Variants in TLN1 observed in about 807,000 individuals in gnomAD.
The protein encoded by TLN1 is talin 1, also known as talin-1.
Under a neutral mutation model 292.3 loss-of-function variants are expected in TLN1, and 56 were observed. That is an observed-to-expected ratio of 0.19 (90% CI 0.15 to 0.24). The LOEUF is 0.24. Ranked by LOEUF, TLN1 falls within the 10% of genes least tolerant of loss-of-function variation. The probability of loss-of-function intolerance (pLI) is 1.00; values close to 1 mark genes in which losing one functional copy is unlikely to be tolerated. For missense variants in TLN1, 2,433 were observed against 3,248.2 expected (o/e 0.75, Z 6.10); for synonymous variants, 1,119 against 1,253.7 (o/e 0.89, Z 2.27).
chr9:35,720,058 C>T lies in TLN1; in HGVS notation c.1445G>A (p.Arg482Gln), dbSNP rs772630969. 1.4e-5 allele frequency: 23 copies of T among 1,594,142 alleles called. No individual in the cohort carries two copies. The highest frequency in any genetic ancestry group is 2.7e-5 in the African/African-American group (2 of 74,324). ...QQQITSGQMHRGHMPPLTSAQ... is the reference protein window; with the variant it reads ...QQQITSGQMHQGHMPPLTSAQ... ...ACTTACCAGAGGAGGCATGTGTCCT[C>T]GGTGCATCTGGCCGCTGGTAATCTG... Residue 482 changes from arginine (R) to glutamine (Q), a missense_variant, in exon 13 of 57, where the codon CGA becomes CAA. Arg to Gln is a conservative substitution (Grantham distance 43). Coordinates refer to ENST00000314888, the MANE Select transcript of TLN1 (RefSeq NM_006289.4).
At chr9:35,705,107 C>T (rs1392668667) in intron 43 of TLN1, among the ~76,000 whole-genome samples, 2 of 152,060 alleles carry the variant, frequency 1.3e-5, no homozygotes, top group Admixed American at 6.6e-5. Context: ...ATCAGAGGGC[C>T]GTGGATTACC....
At chr9:35,729,526 G>A (rs566628623) in intron 1 of TLN1, among the ~76,000 whole-genome samples, 50 of 152,350 alleles carry the variant, frequency 3.3e-4, no homozygotes, top group Admixed American at 6.5e-4. Context: ...GAGCAGAGAA[G>A]AGACATAACC....
Position 35,714,206 on chromosome 9 carries a change from C to T in TLN1, c.3120+33G>A. 2 of 1,597,318 alleles carry T rather than the reference C, an allele frequency of 1.3e-6. No homozygotes were observed. The highest frequency in any genetic ancestry group is 1.7e-6 in the Non-Finnish European group (2 of 1,168,180). On this transcript the variant is annotated intron_variant, in intron 24 of 56. Transcript: ENST00000314888. This position sits in a 1 kb window ranked among gnomAD's most constrained non-coding sequence, Gnocchi z 4.6. Reference sequence around the variant, plus strand: ...TTTCCTCTCATCACAGGACTCCAGCCTCATCTTCCAAAGCCAGAACCAGCT... The same window carrying T: ...TTTCCTCTCATCACAGGACTCCAGCTTCATCTTCCAAAGCCAGAACCAGCT...
chr9:35,721,666 A>C lies in TLN1; in HGVS notation c.1086T>G (p.Ser362=). Reference sequence around the variant, plus strand: ...GACTTACCAGGGTGAAGCTTTTGGGAGACGCAGCCCAGCGTTTGATGTTGG... The same window carrying C: ...GACTTACCAGGGTGAAGCTTTTGGGCGACGCAGCCCAGCGTTTGATGTTGG... ...NLTNIKRWAA[S]PKSFTLDFGD... The change falls in exon 10 of 57, where the codon TCT becomes TCG. Residue 362 remains serine, a synonymous_variant. Transcript: ENST00000314888. 1 of 1,613,458 alleles carries C rather than the reference A, an allele frequency of 6.2e-7. No individual in the cohort carries two copies. Among genetic ancestry groups the C allele is most frequent in the South Asian group, 1.1e-5 (1 of 91,068 alleles).
intron 20 of TLN1, among the ~76,000 whole-genome samples, chr9:35,715,781 T>C (rs968742647): frequency 6.6e-6 from 1 of 152,214 alleles, no homozygotes; most frequent in African/African-American, 2.4e-5. Flanking sequence ...AAAAAGGATC[T>C]GGTTGCCTAC....
At position 35,699,572 on chromosome 9, in the gene TLN1, AC is replaced by A; in HGVS notation, c.6769-112del. The A allele has an allele frequency of 6.9e-7, 1 of 1,443,942 alleles. No individual in the cohort carries two copies. Among genetic ancestry groups the A allele is most frequent in the East Asian group, 2.4e-5 (1 of 40,850 alleles). 89.4% of individuals were successfully genotyped at this position (1,443,942 alleles called of 1,614,324 possible). A position where few individuals can be genotyped will look rare whatever the true frequency, so the allele number is the denominator to read the frequency against. On this transcript the variant is annotated intron_variant, in intron 50 of 56. Coordinates refer to ENST00000314888, the MANE Select transcript of TLN1 (RefSeq NM_006289.4). This position sits in a 1 kb window ranked among gnomAD's most constrained non-coding sequence, Gnocchi z 4.0. Reference sequence around the variant, plus strand: ...CACCCCTATCCCTAGAGCACTCCACACCATAGCCCTCAAACTCCACGCTGCC... The same window carrying A: ...CACCCCTATCCCTAGAGCACTCCACACATAGCCCTCAAACTCCACGCTGCC...
chr9:35,729,015 A>T (rs1826024331), intron 1 of TLN1, among the ~76,000 whole-genome samples: 1 of 152,098 alleles, frequency 6.6e-6, no homozygotes. Context: ...TATCATTTGA[A>T]GCTAGAATTT....
rs751297121 is a variant in TLN1, at chr9:35,706,090, C to A, written c.5383G>T (p.Ala1795Ser). 30 of 1,614,182 alleles carry A rather than the reference C, an allele frequency of 1.9e-5. No individual in the cohort carries two copies. The highest frequency in any genetic ancestry group is 8.9e-5 in the East Asian group (4 of 44,886). Residue 1795 changes from alanine to serine, a missense_variant, in exon 41 of 57, where the codon GCC becomes TCC. Around this residue, in one of 7 missense-constraint regions of TLN1, gnomAD observed 1,384 missense variants for 1,699.6 expected, o/e 0.81. Coordinates refer to ENST00000314888, the MANE Select transcript of TLN1 (RefSeq NM_006289.4). The surrounding 1 kb of genome is among the most constrained non-coding windows in gnomAD (Gnocchi z 4.2). ...NPKQAAHTQEALEEAVQMMTE... is the reference protein window; with the variant it reads ...NPKQAAHTQESLEEAVQMMTE... ...ATCATCTGCACAGCCTCCTCCAGGG[C>A]TTCCTGGGTGTGAGCTGCTTGCTGT...
Position 35,714,591 on chromosome 9 carries a change from T to A in TLN1, c.2968A>T (p.Ser990Cys). ...TGCCTTGCCTGCAGGAAGCTCTGGC[T>A]GGCAGCAATGAGGGCAAGCTGAGCG... ...PSAQLALIAA[S>C]QSFLQPGGKM... The change falls in exon 23 of 57, where the codon AGC becomes TGC. Residue 990 changes from serine to cysteine, a missense_variant. By Grantham distance (112) the Ser-to-Cys change is moderately radical (BLOSUM62 -1). This residue lies in a region of TLN1 where 617 missense variants were observed against 770.6 expected (regional missense o/e 0.80). Coordinates refer to ENST00000314888, the MANE Select transcript of TLN1 (RefSeq NM_006289.4). The surrounding 1 kb of genome is among the most constrained non-coding windows in gnomAD (Gnocchi z 4.6). 6.2e-7 allele frequency: 1 copy of A among 1,611,644 alleles called. No homozygotes were observed. The highest frequency in any genetic ancestry group is 1.1e-5 in the South Asian group (1 of 91,076).
In TLN1 at chr9:35,711,140, T is replaced by C. The variant is rs577549769; in HGVS notation, c.4020-58A>G. Reference sequence around the variant, plus strand: ...AATAGGTCATCATTCCTGGGTCCTATGTAAGTATTTATCTTTTGCCTATAA... The same window carrying C: ...AATAGGTCATCATTCCTGGGTCCTACGTAAGTATTTATCTTTTGCCTATAA... On this transcript the variant is annotated intron_variant, in intron 30 of 56. Coordinates refer to ENST00000314888, the MANE Select transcript of TLN1 (RefSeq NM_006289.4). 3.8e-5 allele frequency: 62 copies of C among 1,610,744 alleles called. No homozygotes were observed. In the South Asian group the frequency reaches 6.7e-4, roughly 17 times the overall value.
chr9:35,727,280 T>C (rs1298466393), intron 1 of TLN1, among the ~76,000 whole-genome samples: 3 of 151,786 alleles, frequency 2.0e-5, no homozygotes, highest in Non-Finnish European at 4.4e-5. Context: ...AAAGCAGAGA[T>C]GGGGGTGTTA....
intron 1 of TLN1, among the ~76,000 whole-genome samples, chr9:35,730,257 G>A (rs1157149055): frequency 2.0e-5 from 3 of 152,110 alleles, no homozygotes; most frequent in African/African-American, 7.2e-5. Flanking sequence ...GAGCTGGGAT[G>A]GGGGATGGGG....
Position 35,719,512 on chromosome 9 carries a change from G to A in TLN1, c.1687+7C>T, listed in dbSNP as rs41313452. 218 of 1,612,382 alleles carry A rather than the reference G, an allele frequency of 1.4e-4. No homozygotes were observed. The highest frequency in any genetic ancestry group is 1.7e-4 in the Non-Finnish European group (197 of 1,178,668). ...ATCACACACCCGGAAGCTAGCATCCGGCCTACCTGCTGTCAGGTTCACCAC... is the reference window on the plus strand; with the variant it reads ...ATCACACACCCGGAAGCTAGCATCCAGCCTACCTGCTGTCAGGTTCACCAC... On this transcript the variant is annotated splice_region_variant and intron_variant, in intron 15 of 56. Coordinates refer to ENST00000314888, the MANE Select transcript of TLN1 (RefSeq NM_006289.4). The surrounding 1 kb of genome is among the most constrained non-coding windows in gnomAD (Gnocchi z 4.6).
chr9:35,702,823 T>G (rs1246690482), intron 48 of TLN1, among the ~76,000 whole-genome samples: 1 of 151,752 alleles, frequency 6.6e-6, no homozygotes, highest in Non-Finnish European at 1.5e-5. Context: ...GAAGAAAGAA[T>G]TTCAAAGAGA....
rs927483041 is a variant in TLN1 at position 35,722,843 on chromosome 9, TC to T, written c.843+17del. The T allele has an allele frequency of 4.3e-6, 7 of 1,613,232 alleles. No individual in the cohort carries two copies. The highest frequency in any genetic ancestry group is 1.1e-5 in the South Asian group (1 of 91,054). On this transcript the variant is annotated intron_variant, in intron 8 of 56. Transcript: ENST00000314888. ...AGCTCCGCGGTCATCCCAAATACTT[TC>T]CCCTACCCACATTCACCTGGAAGAT...
rs1482126658 is a variant in TLN1 at position 35,719,329 on chromosome 9, G to A, written c.1688-47C>T. The A allele has an allele frequency of 1.3e-6, 2 of 1,580,238 alleles. No individual in the cohort carries two copies. Among genetic ancestry groups the A allele is most frequent in the Admixed American group, 3.5e-5 (2 of 57,922 alleles). On this transcript the variant is annotated intron_variant, in intron 15 of 56. Transcript: ENST00000314888. The surrounding 1 kb of genome is among the most constrained non-coding windows in gnomAD (Gnocchi z 4.6). ...GGAACATGAGAGACAGGGCAGGCCA[G>A]ACGAAGGGCTGGGGAGGGAGCAAAG...
At position 35,697,207 on chromosome 9, in the gene TLN1, T is replaced by G. The variant is rs1825382482; in HGVS notation, c.*584A>C. ...GTCCGGGTGCAAGGAGGAAGGGACC[T>G]CAGGTGCAGACTGCCAGTCTTCCCC... On this transcript the variant is annotated 3_prime_UTR_variant, in exon 57 of 57. Transcript: ENST00000314888. 1 of 152,842 alleles carries G rather than the reference T, an allele frequency of 6.5e-6. No individual in the cohort carries two copies. The highest frequency in any genetic ancestry group is 2.1e-4 in the South Asian group (1 of 4,850). 9.5% of individuals were successfully genotyped at this position (152,842 alleles called of 1,614,324 possible).
In TLN1 at chr9:35,711,752, C is replaced by G; in HGVS notation, c.3722G>C (p.Arg1241Pro). Residue 1241 changes from arginine to proline, a missense_variant, in exon 29 of 57, where the codon CGG (arginine) becomes CCG (proline). Physicochemically the swap from Arg to Pro is moderately radical, Grantham distance 103. Around this residue, in one of 7 missense-constraint regions of TLN1, gnomAD observed 1,384 missense variants for 1,699.6 expected, o/e 0.81. Coordinates refer to ENST00000314888, the MANE Select transcript of TLN1 (RefSeq NM_006289.4). ...STGTFQEAQS[R>P]LNEAAAGLNQ... ...CAGCCCAGCAGCAGCTTCATTCAAC[C>G]GGCTCTGAGCTTCTTGAAATGTCCC... 2 of 1,614,120 alleles carry G rather than the reference C, an allele frequency of 1.2e-6. No individual in the cohort carries two copies. The highest frequency in any genetic ancestry group is 1.7e-6 in the Non-Finnish European group (2 of 1,180,036).
Position 35,706,488 on chromosome 9 carries a change from T to C in TLN1, c.5152A>G (p.Asn1718Asp), listed in dbSNP as rs1825567455. The change falls in exon 39 of 57, where the codon AAT (asparagine) becomes GAT (aspartate). Residue 1718 changes from asparagine to aspartate, a missense_variant. By Grantham distance (23) the Asn-to-Asp change is conservative. Transcript: ENST00000314888. This position sits in a 1 kb window ranked among gnomAD's most constrained non-coding sequence, Gnocchi z 4.2. ...TGGGAGGCTTCAGCCCGGGCAGCAT[T>C]GGCCAGCGGCTCAATGAGATGGGAG... is the stretch of plus-strand genomic sequence containing the variant. Reference protein sequence around the residue: ...EISHLIEPLANAARAEASQLG... With the variant: ...EISHLIEPLADAARAEASQLG... 2.5e-6 allele frequency: 4 copies of C among 1,613,990 alleles called. No individual in the cohort carries two copies. In the South Asian group the frequency reaches 3.3e-5, roughly 13 times the overall value.
Sources: gnomAD v4.1 joint callset for allele counts (sites outside exome capture counted in the v4.1 genomes callset) on GRCh38, gnomAD v4.1.1 for gene constraint, gnomAD v4.1.1 regional missense constraint, Gnocchi (gnomAD v3.1) non-coding constraint, MANE v1.5 for transcripts, NCBI Gene and HGNC (gene_info 2026-07-23, HGNC 2026-07-21) for gene names.